CHRAC1: variants seen among roughly 807,000 people sequenced by gnomAD.
CHRAC1 encodes the protein chromatin accessibility complex protein 1.
CHRAC1 carries 6 observed loss-of-function variants against 9.1 expected under a neutral mutation model. The ratio of observed to expected loss-of-function variants is 0.66; its 90% confidence interval spans 0.36 to 1.29. CHRAC1 has a LOEUF of 1.29. Ranked by LOEUF, CHRAC1 falls within the 50% of genes most tolerant of loss-of-function variation. CHRAC1 has a pLI of 0.03. For synonymous variants in CHRAC1, 73 were observed against 64.5 expected, an observed-to-expected ratio of 1.13 and a Z score of -0.63; for missense variants, 168 against 163.5, an observed-to-expected ratio of 1.03 and a Z score of -0.15.
At chr8:140,513,778 T>TA (rs1342340197) in intron 1 of CHRAC1, among the ~76,000 whole-genome samples, 1 of 152,026 alleles carries the variant, frequency 6.6e-6, no homozygotes, top group Non-Finnish European at 1.5e-5. Flanking sequence ...GGTTGGTCAT[T>TA]AAACAGTTAC....
At position 140,511,539 on chromosome 8, in the gene CHRAC1, C is replaced by A; in HGVS notation, c.40C>A (p.Gln14Lys). 7.1e-7 allele frequency: 1 copy of A among 1,418,174 alleles called. No individual in the cohort carries two copies. The highest frequency in any genetic ancestry group is 9.3e-7 in the Non-Finnish European group (1 of 1,077,834). 87.8% of individuals were successfully genotyped at this position (1,418,174 alleles called of 1,614,324 possible). ...CGTGGGTAAAGACAAGGGCGGGGAG[C>A]AGCGGCTCATCTCGCTGCCTCTATC... ...VVVGKDKGGE[Q>K]RLISLPLSRI... is the part of the protein sequence containing the mutation. Residue 14 changes from glutamine (Q) to lysine (K), a missense_variant, in exon 1 of 3, where the codon CAG becomes AAG. Physicochemically the swap from Gln to Lys is moderately conservative, Grantham distance 53. Transcript: ENST00000220913.
In CHRAC1 at chr8:140,511,492, G is replaced by C; in HGVS notation, c.-8G>C. 7.6e-7 allele frequency: 1 copy of C among 1,321,444 alleles called. No homozygotes were observed. Among genetic ancestry groups the C allele is most frequent in the Non-Finnish European group, 9.8e-7 (1 of 1,023,810 alleles). The allele number at this position is 1,321,444 out of a possible 1,614,324, so 81.9% of individuals were successfully genotyped here. A position where few individuals can be genotyped will look rare whatever the true frequency, so the allele number is the denominator to read the frequency against. ...CCGGCTGCGGGCACCCGCGCGACGGGCGGGAAGATGGCGGACGTGGTCGTG... is the reference window on the plus strand; with the variant it reads ...CCGGCTGCGGGCACCCGCGCGACGGCCGGGAAGATGGCGGACGTGGTCGTG... On this transcript the variant is annotated 5_prime_UTR_variant, in exon 1 of 3. Coordinates refer to ENST00000220913, the MANE Select transcript of CHRAC1 (RefSeq NM_017444.6).
rs552494245 is a variant in CHRAC1 at position 140,512,080 on chromosome 8, G to A, written c.147+434G>A. On this transcript the variant is annotated intron_variant, in intron 1 of 2. Transcript: ENST00000220913. Reference sequence around the variant, plus strand: ...TCGTCCCTCCCACCTGTGCGCTCACGTCCTCCCTCGCGTGCGGCGCTCAGT... The same window carrying A: ...TCGTCCCTCCCACCTGTGCGCTCACATCCTCCCTCGCGTGCGGCGCTCAGT... The A allele has an allele frequency of 2.6e-5, 31 of 1,210,780 alleles. No homozygotes were observed. The African/African-American group carries it at 3.9e-4, about 15-fold the overall frequency. The allele number at this position is 1,210,780 out of a possible 1,614,324, so 75.0% of individuals were successfully genotyped here.
chr8:140,512,574 G>A (rs2072290452), intron 1 of CHRAC1, among the ~76,000 whole-genome samples: 1 of 152,164 alleles, frequency 6.6e-6, no homozygotes, highest in South Asian at 2.1e-4. Context: ...ACAGTTAAAT[G>A]CTTTAGCTTG....
At chr8:140,513,278 T>G (rs1287613845) in intron 1 of CHRAC1, among the ~76,000 whole-genome samples, 1 of 152,222 alleles carries the variant, frequency 6.6e-6, no homozygotes, top group Admixed American at 6.5e-5. Context: ...CTGAGGGTTG[T>G]ATGTCAGTTC....
intron 2 of CHRAC1, 144 bp downstream of exon 2, chr8:140,514,639 G>T: frequency 1.7e-6 from 1 of 580,798 alleles, no homozygotes; most frequent in Non-Finnish European, 2.9e-6. Context: ...AGTTGTCACA[G>T]GAAGATACTT....
chr8:140,512,033 C>T (rs1588416640), intron 1 of CHRAC1: 2 of 1,285,720 alleles, frequency 1.6e-6, no homozygotes. Flanking sequence ...CCCGTAAGCT[C>T]CCGCGTTCCT....
intron 1 of CHRAC1, chr8:140,512,072 G>C (rs998041837): frequency 1.1e-5 from 14 of 1,246,906 alleles, no homozygotes; most frequent in Non-Finnish European, 1.4e-5. Flanking sequence ...TCCCACCTGT[G>C]CGCTCACGTC....
chr8:140,514,559 C>G (rs897539020), intron 2 of CHRAC1, 64 bp downstream of exon 2: 2 of 1,355,732 alleles, frequency 1.5e-6, no homozygotes, highest in Non-Finnish European at 2.0e-6. Flanking sequence ...TTTCCCCACC[C>G]CTTGCCTCCC....
intron 1 of CHRAC1, among the ~76,000 whole-genome samples, chr8:140,513,613 T>A (rs912170967): frequency 3.3e-5 from 5 of 151,276 alleles, no homozygotes; most frequent in Non-Finnish European, 7.4e-5. Flanking sequence ...GTTTTTTTTT[T>A]TTATTTTATT....
At chr8:140,513,210 C>G (rs546432766) in intron 1 of CHRAC1, among the ~76,000 whole-genome samples, 102 of 152,202 alleles carry the variant, frequency 6.7e-4, no homozygotes, top group Non-Finnish European at 1.3e-3. Flanking sequence ...AGACTTGGCC[C>G]TGCTATAAGA....
At chr8:140,511,889 G>T (rs1456672707) in intron 1 of CHRAC1, 2 of 856,056 alleles carry the variant, frequency 2.3e-6, no homozygotes, top group Admixed American at 2.3e-5. Context: ...CAGTTTCTTC[G>T]CCTCGCCTAC....
chr8:140,512,095 C>A, intron 1 of CHRAC1: 1 of 1,150,102 alleles, frequency 8.7e-7, no homozygotes, highest in Admixed American at 2.4e-5. Context: ...CCCTCGCGTG[C>A]GGCGCTCAGT....
At position 140,515,196 on chromosome 8, in the gene CHRAC1, TGAG is replaced by T. The variant is rs759034008; in HGVS notation, c.349_351del (p.Glu117del). 5.6e-5 allele frequency: 90 copies of T among 1,613,894 alleles called. No homozygotes were observed. Among genetic ancestry groups the T allele is most frequent in the East Asian group, 5.6e-4 (25 of 44,890 alleles). On this transcript the variant is annotated inframe_deletion, in exon 3 of 3. Coordinates refer to ENST00000220913, the MANE Select transcript of CHRAC1 (RefSeq NM_017444.6). The stretch of plus-strand genomic sequence containing the variant: ...TTAAAGAGGAAAAGAGGGAAGAAGA[TGAG>T]GAGAATGACAATGATAATGAAAGTG...
chr8:140,512,083 C>T (rs1457365478), intron 1 of CHRAC1: 6 of 1,202,424 alleles, frequency 5.0e-6, no homozygotes, highest in South Asian at 1.3e-5. Flanking sequence ...CGCTCACGTC[C>T]TCCCTCGCGT....
rs964086207 is a variant in CHRAC1 at position 140,516,799 on chromosome 8, C to A, written c.*1552C>A. The A allele has an allele frequency of 6.6e-6, 1 of 152,226 alleles. No homozygotes were observed. The highest frequency in any genetic ancestry group is 2.4e-5 in the African/African-American group (1 of 41,448). 9.4% of individuals were successfully genotyped at this position (152,226 alleles called of 1,614,324 possible). A position where few individuals can be genotyped will look rare whatever the true frequency, so the allele number is the denominator to read the frequency against. ...CACCCTCCAGTAAATTCCCTGTGGT[C>A]AGCTCCTTCCCCACCTTTTACCGTG... On this transcript the variant is annotated 3_prime_UTR_variant, in exon 3 of 3. Transcript: ENST00000220913.
intron 1 of CHRAC1, among the ~76,000 whole-genome samples, chr8:140,512,660 G>GCT (rs898344116): frequency 4.2e-4 from 64 of 152,290 alleles, no homozygotes; most frequent in African/African-American, 1.5e-3. Flanking sequence ...AGAACTAAGG[G>GCT]AAGTGGGAAA....
At chr8:140,514,223 T>C in intron 1 of CHRAC1, 146 bp from the exon 2 acceptor site, 1 of 889,886 alleles carries the variant, frequency 1.1e-6, no homozygotes, top group South Asian at 1.9e-5. Context: ...TGATTTCTTG[T>C]AATTTAATTT....
rs1003593801 is a variant in CHRAC1, at chr8:140,511,564, C to T, written c.65C>T (p.Ser22Phe). 6.8e-7 allele frequency: 1 copy of T among 1,465,836 alleles called. No individual in the cohort carries two copies. The highest frequency in any genetic ancestry group is 9.1e-7 in the Non-Finnish European group (1 of 1,101,298). 90.8% of individuals were successfully genotyped at this position (1,465,836 alleles called of 1,614,324 possible). The change falls in exon 1 of 3, where the codon TCC becomes TTC. Residue 22 changes from serine to phenylalanine, a missense_variant. Ser to Phe is a radical substitution (Grantham distance 155). Transcript: ENST00000220913. ...GEQRLISLPL[S>F]RIRVIMKSSP... ...CAGCGGCTCATCTCGCTGCCTCTAT[C>T]CCGCATCCGGGTCATCATGAAGAGC...
Sources: allele counts gnomAD v4.1 joint callset (sites outside exome capture counted in the v4.1 genomes callset), GRCh38; gene constraint gnomAD v4.1.1; transcripts MANE v1.5; gene names NCBI Gene and HGNC (gene_info 2026-07-23, HGNC 2026-07-21).